The following RBM17 variants were observed in gnomAD, a reference collection of about 807,000 sequenced individuals.
RBM17 encodes splicing factor 45.
A neutral mutation model predicts 53.2 loss-of-function variants in RBM17; 7 were observed. That is an observed-to-expected ratio of 0.13 (90% CI 0.07 to 0.25). The LOEUF is 0.25. Ranked by LOEUF, RBM17 falls within the 10% of genes least tolerant of loss-of-function variation. The pLI, the probability that RBM17 is intolerant of heterozygous loss-of-function variation, is 1.00. For synonymous variants in RBM17, 167 were observed against 178.1 expected (o/e 0.94, Z 0.50); for missense variants, 257 against 496.7 (o/e 0.52, Z 4.59).
intron 1 of RBM17, 63 bp from the exon 2 acceptor site, chr10:6,096,985 T>G: frequency 6.7e-7 from 1 of 1,490,864 alleles, no homozygotes; most frequent in Admixed American, 2.1e-5. Context: ...TGATACTTAT[T>G]TTAACATGAA....
intron 2 of RBM17, among the ~76,000 whole-genome samples, chr10:6,098,563 G>GTTTTTTTTTTTTTTTTTTT: frequency 2.1e-5 from 1 of 46,666 alleles, no homozygotes; most frequent in Non-Finnish European, 4.4e-5. Context: ...CAGGTTTTTT[G>GTTTTTTTTTTTTTTTTTTT]TTTTTTTTTT....
chr10:6,109,926 T>G lies in RBM17; in HGVS notation c.563-60T>G, dbSNP rs1033333717. The stretch of plus-strand genomic sequence containing the variant: ...GTTCAAGATAAATAATTGATACAAG[T>G]GAGGTTTCAGAGTGTTTTCTATAGT... On this transcript the variant is annotated intron_variant, in intron 6 of 11. Transcript: ENST00000379888. 31 of 1,339,048 alleles carry G rather than the reference T, an allele frequency of 2.3e-5. No homozygotes were observed. The South Asian group carries it at 4.5e-4, about 19-fold the overall frequency. The allele number at this position is 1,339,048 out of a possible 1,614,324, so 82.9% of individuals were successfully genotyped here.
intron 3 of RBM17, 102 bp downstream of exon 3, chr10:6,101,489 T>C (rs1285235582): frequency 1.9e-6 from 1 of 532,770 alleles, no homozygotes. Flanking sequence ...TGGTGGGCCT[T>C]TGAAACCAAG....
At chr10:6,105,442 G>A (rs1371394857) in intron 4 of RBM17, among the ~76,000 whole-genome samples, 2 of 152,174 alleles carry the variant, frequency 1.3e-5, no homozygotes, top group Non-Finnish European at 2.9e-5. Flanking sequence ...AAAATCTTTT[G>A]AATGCCAACA....
intron 10 of RBM17, 185 bp from the exon 11 acceptor site, chr10:6,115,052 CAT>C (rs1447035187): frequency 3.4e-6 from 2 of 590,336 alleles, no homozygotes; most frequent in African/African-American, 3.8e-5. Context: ...CAATGCCTGT[CAT>C]AAAAACAGGC....
intron 3 of RBM17, among the ~76,000 whole-genome samples, chr10:6,102,848 G>A (rs1314575376): frequency 3.3e-5 from 5 of 152,128 alleles, no homozygotes; most frequent in Non-Finnish European, 7.4e-5. Flanking sequence ...TCACCACGCT[G>A]GAGAGCAGTG....
chr10:6,107,008 G>T (rs150199246), intron 5 of RBM17, among the ~76,000 whole-genome samples: 1 of 152,236 alleles, frequency 6.6e-6, no homozygotes, highest in East Asian at 1.9e-4. Flanking sequence ...AATCACTCTA[G>T]GTCCTAGTGA....
At position 6,104,911 on chromosome 10, in the gene RBM17, G is replaced by A. The variant is rs1840724909; in HGVS notation, c.241-20G>A. On this transcript the variant is annotated intron_variant, in intron 3 of 11. Coordinates refer to ENST00000379888, the MANE Select transcript of RBM17 (RefSeq NM_032905.5). ...GTAAGATATAAAGAGGATTCTTACTGCTGTTTTTACCTTCCTCAGGATCCT... is the reference window on the plus strand; with the variant it reads ...GTAAGATATAAAGAGGATTCTTACTACTGTTTTTACCTTCCTCAGGATCCT... 5 of 1,609,102 alleles carry A rather than the reference G, an allele frequency of 3.1e-6. No individual in the cohort carries two copies. Among genetic ancestry groups the A allele is most frequent in the Non-Finnish European group, 4.2e-6 (5 of 1,176,720 alleles).
rs1322406547 is a variant in RBM17 at position 6,116,632 on chromosome 10, C to T, written c.*1076C>T. The T allele has an allele frequency of 6.6e-6, 1 of 152,324 alleles. No individual in the cohort carries two copies. The highest frequency in any genetic ancestry group is 1.5e-5 in the Non-Finnish European group (1 of 68,044). The allele number at this position is 152,324 out of a possible 1,614,324, so 9.4% of individuals were successfully genotyped here. On this transcript the variant is annotated 3_prime_UTR_variant, in exon 12 of 12. Coordinates refer to ENST00000379888, the MANE Select transcript of RBM17 (RefSeq NM_032905.5). ...CTGTTCCTTGCTTTCCCAAATACTG[C>T]ATGTGACTTTCCTAAGCGGCAGCTG... is the stretch of plus-strand genomic sequence containing the variant.
At position 6,089,862 on chromosome 10, in the gene RBM17, C is replaced by T. The variant is rs1840456130; in HGVS notation, c.-19+669C>T. The T allele has an allele frequency of 6.6e-6, 1 of 152,316 alleles. No individual in the cohort carries two copies. The highest frequency in any genetic ancestry group is 1.5e-5 in the Non-Finnish European group (1 of 68,104). 9.4% of individuals were successfully genotyped at this position (152,316 alleles called of 1,614,324 possible). A position where few individuals can be genotyped will look rare whatever the true frequency, so the allele number is the denominator to read the frequency against. On this transcript the variant is annotated intron_variant, in intron 1 of 11. Coordinates refer to ENST00000379888, the MANE Select transcript of RBM17 (RefSeq NM_032905.5). This position sits in a 1 kb window ranked among gnomAD's most constrained non-coding sequence, Gnocchi z 5.6. ...GCCCCTGCTTGCAGGAGTTTGGTTTCTGGGAAAGCAGGCGTGAAAACCCAG... is the reference window on the plus strand; with the variant it reads ...GCCCCTGCTTGCAGGAGTTTGGTTTTTGGGAAAGCAGGCGTGAAAACCCAG...
At chr10:6,108,557 C>T (rs1840789638) in intron 5 of RBM17, 129 bp from the exon 6 acceptor site, 1 of 615,280 alleles carries the variant, frequency 1.6e-6, no homozygotes, top group Non-Finnish European at 2.9e-6. Context: ...AGGAGGTCAT[C>T]TGAAGTAGCA....
chr10:6,091,851 TG>T (rs369105957), intron 1 of RBM17, among the ~76,000 whole-genome samples: 4 of 125,664 alleles, frequency 3.2e-5, no homozygotes, highest in East Asian at 2.8e-4. Context: ...GGAAACCAGT[TG>T]GGGGGGGTTA....
chr10:6,099,527 G>T (rs887110260), intron 2 of RBM17, among the ~76,000 whole-genome samples: 3 of 152,020 alleles, frequency 2.0e-5, no homozygotes, highest in Admixed American at 2.0e-4. Context: ...AAATGGTGTG[G>T]TATTTGCACG....
At chr10:6,100,713 G>A (rs1840657590) in intron 2 of RBM17, among the ~76,000 whole-genome samples, 1 of 152,150 alleles carries the variant, frequency 6.6e-6, no homozygotes, top group Non-Finnish European at 1.5e-5. Flanking sequence ...GGGATATCTT[G>A]GAGAATCTGA....
At chr10:6,093,854 T>G (rs1342912057) in intron 1 of RBM17, among the ~76,000 whole-genome samples, 1 of 152,242 alleles carries the variant, frequency 6.6e-6, no homozygotes, top group Admixed American at 6.5e-5. Flanking sequence ...TCATATATAC[T>G]TTCTACACAT....
intron 2 of RBM17, among the ~76,000 whole-genome samples, chr10:6,100,507 G>A (rs1840654786): frequency 6.6e-6 from 1 of 152,186 alleles, no homozygotes; most frequent in African/African-American, 2.4e-5. Context: ...GTAGTTATTA[G>A]ACAGATCTAG....
chr10:6,107,480 T>C (rs956953884), intron 5 of RBM17, among the ~76,000 whole-genome samples: 3 of 12,078 alleles, frequency 2.5e-4, no homozygotes, highest in Non-Finnish European at 5.5e-4. Flanking sequence ...ACCCGGCCTC[T>C]TTTTTTTTTT....
At chr10:6,111,861 T>G (rs1840843308) in intron 7 of RBM17, among the ~76,000 whole-genome samples, 1 of 152,234 alleles carries the variant, frequency 6.6e-6, no homozygotes, top group African/African-American at 2.4e-5. Flanking sequence ...TGATAGCCAC[T>G]TTTTAATAAA....
intron 10 of RBM17, 109 bp from the exon 11 acceptor site, chr10:6,115,130 T>C (rs145362357): frequency 1.2e-6 from 1 of 820,880 alleles, no homozygotes; most frequent in African/African-American, 1.7e-5. Flanking sequence ...ACTACTTGAC[T>C]GTATATGATG....
Sources: gnomAD v4.1 joint callset for allele counts (sites outside exome capture counted in the v4.1 genomes callset) on GRCh38, gnomAD v4.1.1 for gene constraint, Gnocchi (gnomAD v3.1) non-coding constraint, MANE v1.5 for transcripts, NCBI Gene and HGNC (gene_info 2026-07-23, HGNC 2026-07-21) for gene names.